SOX5: variants seen among roughly 807,000 people sequenced by gnomAD.
The protein encoded by SOX5 is transcription factor SOX-5.
A neutral mutation model predicts 92.0 loss-of-function variants in SOX5; 9 were observed. The observed-to-expected ratio is 0.10, with a 90% CI of 0.06 to 0.17. The LOEUF is 0.17. SOX5 is among the 10% of genes least tolerant of loss of function. SOX5 has a pLI of 1.00. For missense variants in SOX5, 642 were observed against 944.5 expected, an observed-to-expected ratio of 0.68 and a Z score of 4.20; for synonymous variants, 344 against 336.3, an observed-to-expected ratio of 1.02 and a Z score of -0.25.
chr12:24,066,529 G>A (rs547469967), intron 4 of SOX5, among the ~76,000 whole-genome samples: 1 of 152,206 alleles, frequency 6.6e-6, no homozygotes, highest in East Asian at 1.9e-4. Context: ...TTTAAAATGT[G>A]AAAAATTGAT....
At chr12:23,706,569 A>G (rs2091419139) in intron 6 of SOX5, among the ~76,000 whole-genome samples, 1 of 152,072 alleles carries the variant, frequency 6.6e-6, no homozygotes, top group Non-Finnish European at 1.5e-5. Flanking sequence ...CAGCTAGGTA[A>G]AAAAACATTA....
intron 4 of SOX5, among the ~76,000 whole-genome samples, chr12:24,019,057 T>C (rs1341658111): frequency 6.6e-6 from 1 of 152,132 alleles, no homozygotes; most frequent in Non-Finnish European, 1.5e-5. Context: ...CACTACAGCC[T>C]CAACCTTCTG....
intron 4 of SOX5, among the ~76,000 whole-genome samples, chr12:24,165,656 T>C (rs1294212170): frequency 6.6e-6 from 1 of 152,092 alleles, no homozygotes; most frequent in Non-Finnish European, 1.5e-5. Context: ...AGGACAGGAC[T>C]GAGAAGGGCA....
chr12:23,793,599 A>G (rs996664905), intron 3 of SOX5, among the ~76,000 whole-genome samples: 1 of 152,208 alleles, frequency 6.6e-6, no homozygotes, highest in Non-Finnish European at 1.5e-5. Context: ...TGCTTGACGC[A>G]AATTTAGGGT....
At chr12:24,390,410 C>A (rs1200743177) in intron 1 of SOX5, among the ~76,000 whole-genome samples, 1 of 152,050 alleles carries the variant, frequency 6.6e-6, no homozygotes, top group Admixed American at 6.6e-5. Context: ...CTGTAATTGA[C>A]CAATGAATTT....
chr12:23,656,313 A>C (rs1432519103), intron 7 of SOX5, among the ~76,000 whole-genome samples: 1 of 152,150 alleles, frequency 6.6e-6, no homozygotes, highest in Non-Finnish European at 1.5e-5. Flanking sequence ...TCCATTAACA[A>C]ACTCAGAGAG....
At chr12:24,401,242 C>T (rs1353678578) in intron 1 of SOX5, among the ~76,000 whole-genome samples, 1 of 151,710 alleles carries the variant, frequency 6.6e-6, no homozygotes, top group Admixed American at 6.6e-5. Context: ...GTCCCAGCTA[C>T]TCAGGGGGCT....
intron 2 of SOX5, among the ~76,000 whole-genome samples, chr12:24,348,853 A>G (rs1019187545): frequency 1.3e-5 from 2 of 151,714 alleles, no homozygotes; most frequent in Admixed American, 1.3e-4. Context: ...ATGAGATCTC[A>G]TGGTTTTATA....
intron 4 of SOX5, among the ~76,000 whole-genome samples, chr12:24,028,092 G>A (rs182318620): frequency 6.6e-6 from 1 of 152,040 alleles, no homozygotes; most frequent in East Asian, 1.9e-4. Context: ...AGGGTGCAGG[G>A]AGCAGGCAGG....
chr12:23,795,409 CT>C (rs1567824010), intron 3 of SOX5, among the ~76,000 whole-genome samples: 2 of 152,078 alleles, frequency 1.3e-5, no homozygotes, highest in African/African-American at 2.4e-5. Context: ...ACATTTTCCC[CT>C]TTTCTGTACC....
intron 4 of SOX5, among the ~76,000 whole-genome samples, chr12:24,073,355 T>C (rs1460865962): frequency 6.6e-6 from 1 of 152,182 alleles, no homozygotes; most frequent in Non-Finnish European, 1.5e-5. Context: ...AACCGACACA[T>C]GCTTCTAAAA....
At chr12:23,879,281 A>C (rs1165495738) in intron 2 of SOX5, among the ~76,000 whole-genome samples, 1 of 152,150 alleles carries the variant, frequency 6.6e-6, no homozygotes, top group African/African-American at 2.4e-5. Context: ...GTGGCTACTT[A>C]GTGACTCTCT....
At chr12:24,060,305 A>T (rs1416571988) in intron 4 of SOX5, among the ~76,000 whole-genome samples, 1 of 152,182 alleles carries the variant, frequency 6.6e-6, no homozygotes, top group East Asian at 1.9e-4. Flanking sequence ...TACTTCCCCA[A>T]GGCCACAGAG....
chr12:24,203,231 T>C (rs1488446510), intron 4 of SOX5, among the ~76,000 whole-genome samples: 2 of 152,208 alleles, frequency 1.3e-5, no homozygotes, highest in African/African-American at 4.8e-5. Context: ...AGGGAGCTAC[T>C]TCAGGGTGGA....
In SOX5 at chr12:23,622,925, T is replaced by A. The variant is rs1205812005; in HGVS notation, c.1017+17887A>T. On this transcript the variant is annotated intron_variant, in intron 8 of 14. Transcript: ENST00000451604. Reference sequence around the variant, plus strand: ...AAAAACAAACTTTTGCCACCTCTTTTTTAACTTGATACCTTTCCAGAAGAC... The same window carrying A: ...AAAAACAAACTTTTGCCACCTCTTTATTAACTTGATACCTTTCCAGAAGAC... Among the ~76,000 whole-genome samples, 14 of 152,152 alleles carry A rather than the reference T, an allele frequency of 9.2e-5. 1 individual carries two copies.
intron 2 of SOX5, among the ~76,000 whole-genome samples, chr12:23,878,493 A>G (rs1005178986): frequency 2.0e-5 from 3 of 152,060 alleles, no homozygotes; most frequent in African/African-American, 7.2e-5. Flanking sequence ...ATTTCATTCA[A>G]CTTGGTCTGA....
intron 3 of SOX5, among the ~76,000 whole-genome samples, chr12:23,803,637 A>G (rs1053405201): frequency 6.6e-6 from 1 of 152,242 alleles, no homozygotes; most frequent in African/African-American, 2.4e-5. Context: ...ATGAAATGAC[A>G]TAGTCCCTGC....
intron 3 of SOX5, among the ~76,000 whole-genome samples, chr12:23,760,609 A>G (rs1028971118): frequency 4.6e-5 from 1 of 21,892 alleles, no homozygotes; most frequent in African/African-American, 6.3e-5. Flanking sequence ...CCCACCAGTG[A>G]ATGGCCCCCC....
chr12:23,704,681 TGC>T (rs2091119005), intron 6 of SOX5, among the ~76,000 whole-genome samples: 1 of 88,678 alleles, frequency 1.1e-5, no homozygotes, highest in East Asian at 2.8e-4. Flanking sequence ...GGCATATATA[TGC>T]ATGCATATAT....
Sources: allele counts gnomAD v4.1 joint callset (sites outside exome capture counted in the v4.1 genomes callset), GRCh38; gene constraint gnomAD v4.1.1; transcripts MANE v1.5; gene names NCBI Gene and HGNC (gene_info 2026-07-23, HGNC 2026-07-21).